Variants in ERICH1 observed in about 807,000 individuals in gnomAD.
The protein encoded by ERICH1 is glutamate rich 1.
ERICH1 carries 56 observed loss-of-function variants against 39.6 expected under a neutral mutation model. The observed-to-expected ratio is 1.41, with a 90% confidence interval of 1.14 to 1.77. ERICH1 has a LOEUF of 1.77. Among genes scored for constraint, ERICH1 ranks in the 40% most tolerant of loss-of-function variants. The pLI is 0.00. For synonymous variants in ERICH1, 313 were observed against 223.6 expected (o/e 1.40, Z -3.57); for missense variants, 826 against 575.4 (o/e 1.44, Z -4.45).
rs1584967650 is a variant in ERICH1 at position 632,548 on chromosome 8, G to GA, written c.977-17265dup. ...TTTGGGGACAGTGACTACTAGAATA[G>GA]AATAACAAAAGGTAAGTATCCAGAA... On this transcript the variant is annotated intron_variant, in intron 3 of 3. Transcript: ENST00000522706. Among the ~76,000 whole-genome samples the GA allele has an allele frequency of 2.0e-5, 3 of 151,956 alleles. No homozygotes were observed. The East Asian group carries it at 5.8e-4, about 29-fold the overall frequency.
intron 1 of ERICH1, among the ~76,000 whole-genome samples, chr8:724,700 C>G (rs1818167483): frequency 6.6e-6 from 1 of 152,210 alleles, no homozygotes. Flanking sequence ...TTATTTTTTC[C>G]ACTTTCATTA....
rs375005618 is a variant in ERICH1, at chr8:679,763, C to G, written c.305-5716G>C. On this transcript the variant is annotated intron_variant, in intron 3 of 5. Transcript: ENST00000262109. ...TCCTGTGACATCACTGTGGTCACCTCCACACTGGGGCTCCAGGCAGGGCAC... is the reference window on the plus strand; with the variant it reads ...TCCTGTGACATCACTGTGGTCACCTGCACACTGGGGCTCCAGGCAGGGCAC... Among the ~76,000 whole-genome samples, 10 of 152,208 alleles carry G rather than the reference C, an allele frequency of 6.6e-5. No homozygotes were observed. In the East Asian group the frequency reaches 1.3e-3, roughly 21 times the overall value.
intron 3 of ERICH1, among the ~76,000 whole-genome samples, chr8:674,764 C>A (rs143794266): frequency 6.6e-6 from 1 of 152,168 alleles, no homozygotes; most frequent in South Asian, 2.1e-4. Context: ...TGATGATTTG[C>A]CCATCTGAGT....
chr8:625,507 C>T (rs916939062), intron 3 of ERICH1, among the ~76,000 whole-genome samples: 1 of 151,938 alleles, frequency 6.6e-6, no homozygotes, highest in African/African-American at 2.4e-5. Context: ...CTAAAGAGCA[C>T]GGGGTGTCTT....
intron 3 of ERICH1, among the ~76,000 whole-genome samples, chr8:630,390 A>G (rs113347054): frequency 1.7e-4 from 18 of 106,144 alleles, no homozygotes; most frequent in South Asian, 3.5e-4. Flanking sequence ...CCACCCACAC[A>G]GACAGAGCTG....
chr8:666,258 T>C (rs948216586), intron 5 of ERICH1: 2 of 152,214 alleles, frequency 1.3e-5, no homozygotes, highest in African/African-American at 4.8e-5. Context: ...CAGAAAAGCC[T>C]CAAGTGTGAG....
At chr8:708,769 C>A (rs1814035189) in intron 2 of ERICH1, among the ~76,000 whole-genome samples, 2 of 140,702 alleles carry the variant, frequency 1.4e-5, no homozygotes, top group Admixed American at 7.7e-5. Context: ...TCTTGGCTCA[C>A]TGAAGTCTTG....
At chr8:712,120 G>C (rs550090632) in intron 2 of ERICH1, among the ~76,000 whole-genome samples, 4 of 152,182 alleles carry the variant, frequency 2.6e-5, no homozygotes, top group African/African-American at 9.6e-5. Context: ...TATTCTGTTG[G>C]CTATTCTCAG....
intron 3 of ERICH1, among the ~76,000 whole-genome samples, chr8:640,125 A>G (rs538835900): frequency 4.6e-5 from 7 of 152,346 alleles, no homozygotes; most frequent in East Asian, 1.9e-4. Context: ...TGCCTGAGAC[A>G]TGGAAGCAGT....
intron 3 of ERICH1, among the ~76,000 whole-genome samples, chr8:680,535 C>T (rs182441347): frequency 1.4e-5 from 2 of 147,040 alleles, no homozygotes; most frequent in East Asian, 2.0e-4. Context: ...CCGGTAAACA[C>T]GGAAAGTCCA....
intron 3 of ERICH1, among the ~76,000 whole-genome samples, chr8:630,948 C>A (rs1445189545): frequency 6.7e-6 from 1 of 149,476 alleles, no homozygotes; most frequent in African/African-American, 2.5e-5. Context: ...CTGACACACA[C>A]CCTCCTGTGA....
In ERICH1 at chr8:668,667, G is replaced by T; in HGVS notation, c.1189C>A (p.Leu397Ile). 6.2e-7 allele frequency: 1 copy of T among 1,614,154 alleles called. No homozygotes were observed. Among genetic ancestry groups the T allele is most frequent in the Non-Finnish European group, 8.5e-7 (1 of 1,180,042 alleles). ...TTCAATCTCTCAGTATCTTGCAGGA[G>T]CAGCAGCGTTTTCATGTGGTACAGG... is the stretch of plus-strand genomic sequence containing the variant. ...SILYHMKTLL[L>I]LQDTERLKHA... is the part of the protein sequence containing the mutation. The change falls in exon 5 of 6, where the codon CTC (leucine) becomes ATC (isoleucine). Residue 397 changes from leucine to isoleucine, a missense_variant. Physicochemically the swap from Leu to Ile is conservative, Grantham distance 5 (BLOSUM62 2). Coordinates refer to ENST00000262109, the MANE Select transcript of ERICH1 (RefSeq NM_207332.3).
At chr8:708,473 G>T (rs1813807915) in intron 2 of ERICH1, among the ~76,000 whole-genome samples, 1 of 152,054 alleles carries the variant, frequency 6.6e-6, no homozygotes, top group South Asian at 2.1e-4. Flanking sequence ...CCTTAAAAAA[G>T]AAAGTTAGTT....
intron 3 of ERICH1, chr8:627,377 C>G: frequency 2.7e-6 from 1 of 364,664 alleles, no homozygotes; most frequent in South Asian, 2.0e-5. Context: ...CTGCACCTCA[C>G]TGAGAGCCTC....
intron 1 of ERICH1, 22 bp downstream of exon 1, chr8:731,118 C>G (rs1819898063): frequency 6.0e-6 from 9 of 1,504,788 alleles, no homozygotes; most frequent in Middle Eastern, 1.9e-4. Context: ...TCTGGGCAGG[C>G]CTCCGCACCG....
At chr8:700,964 A>G (rs566275135) in intron 2 of ERICH1, among the ~76,000 whole-genome samples, 1 of 152,404 alleles carries the variant, frequency 6.6e-6, no homozygotes, top group East Asian at 1.9e-4. Flanking sequence ...ACAGAGGAAA[A>G]GCAGCCGAGA....
chr8:647,679 C>T lies in ERICH1; in HGVS notation c.976+20919G>A, dbSNP rs746153182. Among the ~76,000 whole-genome samples the T allele has an allele frequency of 1.6e-3, 103 of 65,842 alleles. 45 individuals carry two copies. Among genetic ancestry groups the T allele is most frequent in the Non-Finnish European group, 2.9e-3 (62 of 21,592 alleles). The allele number at this position is 65,842 out of a possible 152,430, so 43.2% of individuals were successfully genotyped here. A position where few individuals can be genotyped will look rare whatever the true frequency, so the allele number is the denominator to read the frequency against. On this transcript the variant is annotated intron_variant, in intron 3 of 3. Transcript: ENST00000522706. ...TCTGGCAGCCCTGATGGAGTTGAGC[C>T]AGCCCACTCCTGGATGAGCCTCAGA...
chr8:693,550 C>T (rs1169884560), intron 2 of ERICH1, among the ~76,000 whole-genome samples: 1 of 149,168 alleles, frequency 6.7e-6, no homozygotes, highest in African/African-American at 2.4e-5. Flanking sequence ...TACCAGAGGT[C>T]GTTACCACCG....
chr8:698,630 T>C (rs535376043), intron 2 of ERICH1, among the ~76,000 whole-genome samples: 1 of 152,274 alleles, frequency 6.6e-6, no homozygotes, highest in Admixed American at 6.5e-5. Context: ...AAAAAATTCT[T>C]TTAGAGACAG....
Sources: gnomAD v4.1 joint callset for allele counts (sites outside exome capture counted in the v4.1 genomes callset) on GRCh38, gnomAD v4.1.1 for gene constraint, MANE v1.5 for transcripts, NCBI Gene and HGNC (gene_info 2026-07-23, HGNC 2026-07-21) for gene names.